ANO1: variants seen among roughly 807,000 people sequenced by gnomAD.
ANO1 encodes anoctamin-1.
ANO1 carries 59 observed loss-of-function variants against 124.0 expected under a neutral mutation model. That is an observed-to-expected ratio of 0.48 (90% CI 0.39 to 0.59). ANO1 has a LOEUF of 0.59. Ranked by LOEUF, ANO1 falls within the 20% of genes least tolerant of loss-of-function variation. The probability of loss-of-function intolerance (pLI) is 0.00; values close to 1 mark genes in which losing one functional copy is unlikely to be tolerated. For synonymous variants in ANO1, 529 were observed against 532.0 expected (o/e 0.99, Z 0.08); for missense variants, 1,059 against 1,328.0 (o/e 0.80, Z 3.15).
chr11:70,171,788 G>A (rs554494880), intron 22 of ANO1, among the ~76,000 whole-genome samples: 2 of 152,236 alleles, frequency 1.3e-5, no homozygotes, highest in South Asian at 4.1e-4. Context: ...GCAACATGAC[G>A]AAACCCTGTC....
At chr11:70,003,947 A>G (rs1856434990) in intron 1 of ANO1, among the ~76,000 whole-genome samples, 1 of 152,116 alleles carries the variant, frequency 6.6e-6, no homozygotes, top group South Asian at 2.1e-4. Flanking sequence ...CCAACCATAC[A>G]GCCTCTCCCC....
At chr11:70,075,546 A>G (rs1555009919), upstream of ANO1, 1 of 152,164 alleles carries the variant, frequency 6.6e-6, no homozygotes, top group African/African-American at 2.4e-5. Flanking sequence ...GAAGAGCAAC[A>G]CTGTGGCCAA....
At chr11:70,028,606 AC>A (rs1856949921) in intron 1 of ANO1, among the ~76,000 whole-genome samples, 1 of 151,412 alleles carries the variant, frequency 6.6e-6, no homozygotes, top group African/African-American at 2.4e-5. Context: ...AGGCTCCCCA[AC>A]CCCCACCACA....
intron 1 of ANO1, among the ~76,000 whole-genome samples, chr11:69,986,466 G>A (rs1395032792): frequency 1.3e-5 from 2 of 152,132 alleles, no homozygotes; most frequent in Non-Finnish European, 2.9e-5. Context: ...GCCCCTGCGC[G>A]GCCCCTGGGG....
In ANO1 at chr11:70,034,213, C is replaced by T. The variant is rs561778035; in HGVS notation, c.59-44329C>T. Among the ~76,000 whole-genome samples, 22 of 152,228 alleles carry T rather than the reference C, an allele frequency of 1.4e-4. No individual in the cohort carries two copies. The South Asian group carries it at 4.4e-3, about 30-fold the overall frequency. ...CAGAAAAAGTCAGCCGATACCTAGC[C>T]TAGAAAATCAAACAGGCCCCTGACT... On this transcript the variant is annotated intron_variant, in intron 1 of 27. Transcript: ENST00000531349.
chr11:70,131,884 A>T, intron 10 of ANO1, 35 bp from the exon 11 acceptor site: 1 of 1,585,248 alleles, frequency 6.3e-7, no homozygotes, highest in Non-Finnish European at 8.5e-7. Context: ...TCATGGCCCA[A>T]CAAGGTGACT....
At chr11:69,978,565 G>A in the ANO1 span, among the ~76,000 whole-genome samples, 1 of 152,146 alleles carries the variant, frequency 6.6e-6, no homozygotes, top group Non-Finnish European at 1.5e-5. Context: ...TTCCCAGGCT[G>A]GTCTCCAAAT....
chr11:69,984,283 T>C (rs573610941), upstream of ANO1, among the ~76,000 whole-genome samples: 20 of 151,918 alleles, frequency 1.3e-4, no homozygotes, highest in African/African-American at 4.6e-4. Flanking sequence ...GGGGCACACG[T>C]CCCGGGGCTT....
At chr11:70,108,139 T>G (rs1040596690) in intron 5 of ANO1, 7 of 491,774 alleles carry the variant, frequency 1.4e-5, no homozygotes, top group African/African-American at 1.3e-4. Flanking sequence ...TGCACCTGTT[T>G]CTCCCTGAGA....
intron 18 of ANO1, 95 bp downstream of exon 18, chr11:70,161,828 G>A: frequency 7.9e-7 from 1 of 1,261,572 alleles, no homozygotes; most frequent in Non-Finnish European, 1.1e-6. Flanking sequence ...GGAGCCCAGG[G>A]CAGGGCAGAC....
intron 2 of ANO1, among the ~76,000 whole-genome samples, chr11:70,100,637 G>A (rs1210658262): frequency 6.6e-6 from 1 of 152,234 alleles, no homozygotes; most frequent in Non-Finnish European, 1.5e-5. Flanking sequence ...TACAGAAGCT[G>A]CAGGAGGATC....
At chr11:70,161,445 T>C (rs2048040911) in intron 17 of ANO1, 83 bp downstream of exon 17, 3 of 1,504,530 alleles carry the variant, frequency 2.0e-6, no homozygotes, top group South Asian at 1.2e-5. Context: ...CTTGAGTTTG[T>C]TGCTTAACTT....
At chr11:70,108,551 G>A in intron 6 of ANO1, 147 bp downstream of exon 6, 4 of 872,932 alleles carry the variant, frequency 4.6e-6, no homozygotes, top group Non-Finnish European at 5.4e-6. Flanking sequence ...AGACAAGAGG[G>A]CTGGGTTGGG....
chr11:70,085,658 A>G (rs768024545), intron 1 of ANO1: 40 of 1,500,620 alleles, frequency 2.7e-5, no homozygotes, highest in Non-Finnish European at 3.5e-5. Context: ...CTTGACATCA[A>G]CACCTATGAA....
At chr11:70,070,252 G>A (rs1026033533) in intron 1 of ANO1, among the ~76,000 whole-genome samples, 28 of 152,242 alleles carry the variant, frequency 1.8e-4, no homozygotes, top group African/African-American at 5.8e-4. Flanking sequence ...ACCTGGAGCC[G>A]CCATTCTAGC....
At position 70,112,928 on chromosome 11, in the gene ANO1, G is replaced by C. The variant is rs78885699; in HGVS notation, c.855+1166G>C. ...TGAGGTGCAGGGATCCCGCAGGGCA[G>C]TTCAGGGGTGTATTCTCCAGACGGT... On this transcript the variant is annotated intron_variant, in intron 7 of 25. Coordinates refer to ENST00000355303, the MANE Select transcript of ANO1 (RefSeq NM_018043.7). 2.5e-3 allele frequency among the ~76,000 whole-genome samples: 384 copies of C among 152,308 alleles called. 2 individuals are homozygous for C. The highest frequency in any genetic ancestry group is 9.0e-3 in the African/African-American group (373 of 41,564).
intron 1 of ANO1, 111 bp downstream of exon 1, chr11:70,078,825 C>T (rs1252268818): frequency 7.2e-6 from 4 of 557,450 alleles, no homozygotes; most frequent in Non-Finnish European, 9.9e-6. Context: ...GGGGGCCGCA[C>T]CCTCCGCGCA....
At chr11:69,995,096 T>TTTTTTG (rs1554998172) in intron 1 of ANO1, among the ~76,000 whole-genome samples, 2 of 12,810 alleles carry the variant, frequency 1.6e-4, no homozygotes, top group Non-Finnish European at 4.5e-4. Flanking sequence ...TGGCACTGTT[T>TTTTTTG]TTTTTTTTTT....
chr11:70,078,978 C>T (rs2044120319), intron 1 of ANO1, among the ~76,000 whole-genome samples: 1 of 152,028 alleles, frequency 6.6e-6, no homozygotes, highest in Non-Finnish European at 1.5e-5. Flanking sequence ...CCAGGCATGG[C>T]CCGGCCTCGG....
Sources: allele counts gnomAD v4.1 joint callset (sites outside exome capture counted in the v4.1 genomes callset), GRCh38; gene constraint gnomAD v4.1.1; transcripts MANE v1.5; gene names NCBI Gene and HGNC (gene_info 2026-07-23, HGNC 2026-07-21).